FHIP1A: variants seen among roughly 807,000 people sequenced by gnomAD.
FHIP1A encodes FHF complex subunit HOOK interacting protein 1A.
Under a neutral mutation model 88.6 loss-of-function variants are expected in FHIP1A, and 61 were observed. That is an observed-to-expected ratio of 0.69 (90% CI 0.56 to 0.85). FHIP1A has a LOEUF of 0.85. Ranked by LOEUF, FHIP1A falls within the 40% of genes least tolerant of loss-of-function variation. The probability of loss-of-function intolerance (pLI) is 0.00; values close to 1 mark genes in which losing one functional copy is unlikely to be tolerated. For synonymous variants in FHIP1A, 478 were observed against 496.0 expected, an observed-to-expected ratio of 0.96 and a Z score of 0.48; for missense variants, 1,154 against 1,273.5, an observed-to-expected ratio of 0.91 and a Z score of 1.43.
intron 2 of FHIP1A, among the ~76,000 whole-genome samples, chr4:151,467,344 G>A (rs1042201329): frequency 6.6e-6 from 1 of 152,174 alleles, no homozygotes; most frequent in Non-Finnish European, 1.5e-5. Context: ...GTGAGGCTGT[G>A]GAGAAATAGG....
intron 3 of FHIP1A, among the ~76,000 whole-genome samples, chr4:151,503,012 CTTAT>C (rs1362788317): frequency 1.3e-5 from 2 of 152,180 alleles, no homozygotes; most frequent in Non-Finnish European, 2.9e-5. Context: ...ACATTTGCGC[CTTAT>C]TTGTCTTTGA....
rs1734311133 is a variant in FHIP1A at position 151,588,700 on chromosome 4, T to C, written c.892-140T>C. On this transcript the variant is annotated intron_variant, in intron 6 of 13. Transcript: ENST00000435205. ...AAGGCTTATATGACAGTATGAGGTC[T>C]GATTTGTTCTTTAATCACAGAATAA... 5 of 699,520 alleles carry C rather than the reference T, an allele frequency of 7.1e-6. No homozygotes were observed. In the East Asian group the frequency reaches 1.3e-4, roughly 19 times the overall value. The allele number at this position is 699,520 out of a possible 1,614,324, so 43.3% of individuals were successfully genotyped here. A position where few individuals can be genotyped will look rare whatever the true frequency, so the allele number is the denominator to read the frequency against.
At chr4:151,536,360 A>G (rs75423729) in intron 3 of FHIP1A, among the ~76,000 whole-genome samples, 2,370 of 152,290 alleles carry the variant, frequency 0.016, 68 homozygotes, top group African/African-American at 0.053. Context: ...GTAAGTTTGT[A>G]TATCTACCAC....
At chr4:151,554,257 G>T (rs1732860701) in intron 3 of FHIP1A, among the ~76,000 whole-genome samples, 1 of 152,140 alleles carries the variant, frequency 6.6e-6, no homozygotes, top group Non-Finnish European at 1.5e-5. Context: ...CTCACTGGTG[G>T]CTGTTACTGT....
intron 3 of FHIP1A, among the ~76,000 whole-genome samples, chr4:151,561,488 G>A (rs1308637775): frequency 2.0e-5 from 3 of 152,074 alleles, no homozygotes; most frequent in Non-Finnish European, 4.4e-5. Flanking sequence ...TCTAAGAAGA[G>A]GTTGTCTGAG....
At position 151,416,680 on chromosome 4, in the gene FHIP1A, A is replaced by T. The variant is rs146067674; in HGVS notation, c.-356+7215A>T. Among the ~76,000 whole-genome samples, 478 of 152,268 alleles carry T rather than the reference A, an allele frequency of 3.1e-3. 3 individuals carry two copies. The highest frequency in any genetic ancestry group is 0.011 in the African/African-American group (464 of 41,548). On this transcript the variant is annotated intron_variant, in intron 1 of 13. Transcript: ENST00000435205. ...TGTTTCTTGATTTTCTTGGTATAAA[A>T]ATTTTTCTTAATAAAATAAGAATTT...
At chr4:151,566,589 T>C (rs1287909224) in intron 4 of FHIP1A, among the ~76,000 whole-genome samples, 2 of 152,170 alleles carry the variant, frequency 1.3e-5, no homozygotes, top group African/African-American at 4.8e-5. Context: ...GGTACATGCA[T>C]GTTACTTGGA....
Position 151,419,568 on chromosome 4 carries a change from C to CTTT in FHIP1A, c.-356+10135_-356+10137dup, listed in dbSNP as rs70941499. On this transcript the variant is annotated intron_variant, in intron 1 of 13. Coordinates refer to ENST00000435205, the MANE Select transcript of FHIP1A (RefSeq NM_001109977.3). Reference sequence around the variant, plus strand: ...CTGCCATGCTGGTCTGTTCCTCATTCTTTTTTTTTTTTTTTTTTTTTTTTT... The same window carrying CTTT: ...CTGCCATGCTGGTCTGTTCCTCATTCTTTTTTTTTTTTTTTTTTTTTTTTTTTT... 4.2e-3 allele frequency among the ~76,000 whole-genome samples: 93 copies of CTTT among 21,980 alleles called. 8 individuals are homozygous for CTTT. The highest frequency in any genetic ancestry group is 0.019 in the Middle Eastern group (1 of 52). 14.4% of individuals were successfully genotyped at this position (21,980 alleles called of 152,430 possible). A position where few individuals can be genotyped will look rare whatever the true frequency, so the allele number is the denominator to read the frequency against.
intron 7 of FHIP1A, among the ~76,000 whole-genome samples, chr4:151,613,717 T>C (rs1165933188): frequency 1.3e-5 from 2 of 152,130 alleles, no homozygotes; most frequent in Non-Finnish European, 2.9e-5. Context: ...CTGGTGCACA[T>C]CAGAAGCAAC....
At chr4:151,575,031 C>T (rs1288851601) in intron 4 of FHIP1A, among the ~76,000 whole-genome samples, 5 of 152,040 alleles carry the variant, frequency 3.3e-5, no homozygotes, top group African/African-American at 1.2e-4. Context: ...AATTTTATAG[C>T]TCCTATTACA....
At chr4:151,409,882 C>T (rs1732540878) in intron 1 of FHIP1A, among the ~76,000 whole-genome samples, 1 of 152,164 alleles carries the variant, frequency 6.6e-6, no homozygotes, top group African/African-American at 2.4e-5. Context: ...CTTGCTTACA[C>T]AGGAGACAGA....
At chr4:151,606,977 G>T (rs1379858882) in intron 7 of FHIP1A, among the ~76,000 whole-genome samples, 3 of 152,204 alleles carry the variant, frequency 2.0e-5, no homozygotes, top group African/African-American at 4.8e-5. Context: ...TTACAGGCAG[G>T]CGCTGGTTCC....
At chr4:151,520,696 A>G (rs1731415952) in intron 3 of FHIP1A, among the ~76,000 whole-genome samples, 1 of 152,190 alleles carries the variant, frequency 6.6e-6, no homozygotes, top group African/African-American at 2.4e-5. Context: ...GACAGTAACT[A>G]CTATTAACAA....
chr4:151,586,772 C>A lies in FHIP1A; in HGVS notation c.864C>A (p.Ser288=). ...CTTCTCTTGTCCAGTTCATGAACTC[C>A]CTGGAGTTTTGCAATGCAGTCATAC... ...LLPSLVQFMN[S]LEFCNAVIQV... Residue 288 remains serine (S), a synonymous_variant, in exon 6 of 14, where the codon TCC becomes TCA. Coordinates refer to ENST00000435205, the MANE Select transcript of FHIP1A (RefSeq NM_001109977.3). 6.4e-7 allele frequency: 1 copy of A among 1,550,640 alleles called. No individual in the cohort carries two copies. The highest frequency in any genetic ancestry group is 2.4e-5 in the East Asian group (1 of 40,896).
At chr4:151,573,794 A>C (rs749737186) in intron 4 of FHIP1A, among the ~76,000 whole-genome samples, 18 of 152,102 alleles carry the variant, frequency 1.2e-4, no homozygotes, top group Non-Finnish European at 2.5e-4. Context: ...TCAGGGACAC[A>C]GAAATATTGG....
chr4:151,498,570 C>T (rs1730542737), intron 3 of FHIP1A, among the ~76,000 whole-genome samples: 1 of 152,152 alleles, frequency 6.6e-6, no homozygotes, highest in African/African-American at 2.4e-5. Flanking sequence ...AATCCTAGCA[C>T]TTTGGGAGGC....
chr4:151,426,039 C>A, intron 1 of FHIP1A, among the ~76,000 whole-genome samples: 1 of 152,042 alleles, frequency 6.6e-6, no homozygotes, highest in East Asian at 1.9e-4. Flanking sequence ...GTGAATATCT[C>A]TTTGGGACGT....
At position 151,580,776 on chromosome 4, in the gene FHIP1A, G is replaced by A. The variant is rs567072403; in HGVS notation, c.732+2700G>A. On this transcript the variant is annotated intron_variant, in intron 5 of 13. Coordinates refer to ENST00000435205, the MANE Select transcript of FHIP1A (RefSeq NM_001109977.3). ...TGGAATACTTTTCAGCATTCAAAGT[G>A]TATGAATCATGTGTATTATCATGTA... is the stretch of plus-strand genomic sequence containing the variant. 1.9e-4 allele frequency among the ~76,000 whole-genome samples: 29 copies of A among 152,234 alleles called. No individual in the cohort carries two copies. The South Asian group carries it at 3.9e-3, about 21-fold the overall frequency.
At chr4:151,466,880 A>G (rs570936688) in intron 2 of FHIP1A, among the ~76,000 whole-genome samples, 4 of 152,344 alleles carry the variant, frequency 2.6e-5, no homozygotes, top group African/African-American at 7.2e-5. Context: ...TAAAAACCCT[A>G]GAAGAAAACC....
Sources: allele counts gnomAD v4.1 joint callset (sites outside exome capture counted in the v4.1 genomes callset), GRCh38; gene constraint gnomAD v4.1.1; transcripts MANE v1.5; gene names NCBI Gene and HGNC (gene_info 2026-07-23, HGNC 2026-07-21).